The following NUBPL variants were observed in gnomAD, a reference collection of about 807,000 sequenced individuals.
The protein encoded by NUBPL is iron-sulfur cluster transfer protein NUBPL.
Under a neutral mutation model 45.7 loss-of-function variants are expected in NUBPL, and 31 were observed. The ratio of observed to expected loss-of-function variants is 0.68; its 90% CI spans 0.51 to 0.92. The LOEUF (loss-of-function observed/expected upper bound fraction) is 0.92, where lower values mean the gene tolerates loss of function less well. Ranked by LOEUF, NUBPL falls within the 40% of genes least tolerant of loss-of-function variation. The pLI, the probability that NUBPL is intolerant of heterozygous loss-of-function variation, is 0.00. For synonymous variants in NUBPL, 144 were observed against 140.9 expected (o/e 1.02, Z -0.15); for missense variants, 401 against 398.7 (o/e 1.01, Z -0.05).
At chr14:31,828,402 C>A (rs138983264) in intron 8 of NUBPL, among the ~76,000 whole-genome samples, 3 of 152,060 alleles carry the variant, frequency 2.0e-5, no homozygotes, top group Non-Finnish European at 4.4e-5. Flanking sequence ...TTCTTTCTGG[C>A]AGAAATTAGA....
At chr14:31,566,869 C>T (rs1414149590) in intron 3 of NUBPL, among the ~76,000 whole-genome samples, 1 of 152,126 alleles carries the variant, frequency 6.6e-6, no homozygotes, top group Non-Finnish European at 1.5e-5. Flanking sequence ...GGAATGTAGT[C>T]AGCTTCCAGA....
intron 3 of NUBPL, among the ~76,000 whole-genome samples, chr14:31,579,770 A>T (rs1428565077): frequency 6.6e-6 from 1 of 152,238 alleles, no homozygotes; most frequent in Non-Finnish European, 1.5e-5. Flanking sequence ...ATATTTTGGC[A>T]GTCCCTCCTG....
intron 4 of NUBPL, among the ~76,000 whole-genome samples, chr14:31,631,931 G>T (rs569539994): frequency 6.6e-6 from 1 of 152,156 alleles, no homozygotes; most frequent in Admixed American, 6.5e-5. Flanking sequence ...GTATACGGTG[G>T]CCCAAAGTGA....
intron 6 of NUBPL, among the ~76,000 whole-genome samples, chr14:31,725,709 CTTT>C (rs375160082): frequency 1.9e-5 from 2 of 104,956 alleles, no homozygotes; most frequent in African/African-American, 3.8e-5. Flanking sequence ...TAGATTTCAG[CTTT>C]TTTTTTTTTT....
intron 6 of NUBPL, among the ~76,000 whole-genome samples, chr14:31,677,146 G>A (rs2036719982): frequency 6.6e-6 from 1 of 152,032 alleles, no homozygotes; most frequent in Non-Finnish European, 1.5e-5. Flanking sequence ...TAAATGGGGT[G>A]TTCATCCCCT....
chr14:31,582,715 T>G (rs1388294605), intron 3 of NUBPL, among the ~76,000 whole-genome samples: 1 of 152,198 alleles, frequency 6.6e-6, no homozygotes, highest in Non-Finnish European at 1.5e-5. Flanking sequence ...CTTGTGAATA[T>G]CAATTCTTTT....
chr14:31,747,002 A>C (rs1421964139), intron 6 of NUBPL, among the ~76,000 whole-genome samples: 2 of 150,780 alleles, frequency 1.3e-5, no homozygotes, highest in East Asian at 3.9e-4. Context: ...CTTAGGAGGC[A>C]AAGATTGCAG....
chr14:31,852,942 G>T (rs2040560761), intron 10 of NUBPL, among the ~76,000 whole-genome samples: 1 of 152,142 alleles, frequency 6.6e-6, no homozygotes, highest in Admixed American at 6.5e-5. Flanking sequence ...TACCTATTCT[G>T]CCTGCATGTC....
In NUBPL at chr14:31,645,257, G is replaced by T. The variant is rs544572852; in HGVS notation, c.383-28098G>T. Reference sequence around the variant, plus strand: ...ATTTTTTGTATTTTTTAGTAGAGGCGGGGTTTCACTGTGTTAGCCAGGATG... The same window carrying T: ...ATTTTTTGTATTTTTTAGTAGAGGCTGGGTTTCACTGTGTTAGCCAGGATG... On this transcript the variant is annotated intron_variant, in intron 4 of 10. Coordinates refer to ENST00000281081, the MANE Select transcript of NUBPL (RefSeq NM_025152.3). Among the ~76,000 whole-genome samples the T allele has an allele frequency of 4.6e-5, 7 of 151,994 alleles. No homozygotes were observed. In the South Asian group the frequency reaches 1.0e-3, roughly 23 times the overall value.
chr14:31,742,238 A>G (rs1400260586), intron 6 of NUBPL, among the ~76,000 whole-genome samples: 2 of 6,182 alleles, frequency 3.2e-4, no homozygotes, highest in Non-Finnish European at 4.3e-4. Context: ...ACTATTGTGT[A>G]CACACACACA....
chr14:31,850,110 C>A lies in NUBPL; in HGVS notation c.815-9C>A. 2 of 1,609,036 alleles carry A rather than the reference C, an allele frequency of 1.2e-6. No homozygotes were observed. ...CTGGTTCTAATGGATGTCTGCTGGG[C>A]TCTTTTAGGAGACATTCCCTTACAC... On this transcript the variant is annotated splice_polypyrimidine_tract_variant and intron_variant, in intron 9 of 10. Transcript: ENST00000281081.
intron 6 of NUBPL, among the ~76,000 whole-genome samples, chr14:31,718,897 C>G (rs1157668048): frequency 6.6e-6 from 1 of 152,126 alleles, no homozygotes; most frequent in African/African-American, 2.4e-5. Flanking sequence ...GAATAAATCT[C>G]TTTTTTGCAT....
At chr14:31,734,657 G>A (rs1418808900) in intron 6 of NUBPL, among the ~76,000 whole-genome samples, 1 of 151,918 alleles carries the variant, frequency 6.6e-6, no homozygotes, top group Non-Finnish European at 1.5e-5. Flanking sequence ...GTGCTTTTTA[G>A]TTGAATTTTT....
intron 6 of NUBPL, among the ~76,000 whole-genome samples, chr14:31,706,929 C>A (rs761155488): frequency 6.6e-6 from 1 of 152,218 alleles, no homozygotes; most frequent in Non-Finnish European, 1.5e-5. Flanking sequence ...ATAGATGGCT[C>A]CTTCCTGATT....
At chr14:31,661,469 AGTT>A (rs1340710151) in intron 4 of NUBPL, among the ~76,000 whole-genome samples, 1 of 152,214 alleles carries the variant, frequency 6.6e-6, no homozygotes, top group Non-Finnish European at 1.5e-5. Context: ...TGTAATCATG[AGTT>A]GTTGTGTAGA....
At chr14:31,836,589 G>A (rs922961750) in intron 8 of NUBPL, among the ~76,000 whole-genome samples, 2 of 152,058 alleles carry the variant, frequency 1.3e-5, no homozygotes, top group Non-Finnish European at 2.9e-5. Flanking sequence ...ACTGTAATAT[G>A]GATATTCTAA....
chr14:31,795,334 T>G (rs2039463472), intron 7 of NUBPL, among the ~76,000 whole-genome samples: 1 of 119,536 alleles, frequency 8.4e-6, no homozygotes, highest in Non-Finnish European at 1.7e-5. Flanking sequence ...GTATGGCCAT[T>G]TTCACGATAT....
intron 4 of NUBPL, among the ~76,000 whole-genome samples, chr14:31,639,467 T>C (rs11156695): frequency 0.29 from 44,501 of 151,986 alleles, 7,470 homozygotes; most frequent in South Asian, 0.41. Flanking sequence ...AGTACCCGGC[T>C]GTGTGAGGTG....
intron 6 of NUBPL, among the ~76,000 whole-genome samples, chr14:31,730,344 C>G (rs1179647166): frequency 6.6e-6 from 1 of 152,080 alleles, no homozygotes; most frequent in African/African-American, 2.4e-5. Flanking sequence ...GAATTCTGCA[C>G]TGTAGTTTGC....
Sources: gnomAD v4.1 joint callset for allele counts (sites outside exome capture counted in the v4.1 genomes callset) on GRCh38, gnomAD v4.1.1 for gene constraint, MANE v1.5 for transcripts, NCBI Gene and HGNC (gene_info 2026-07-23, HGNC 2026-07-21) for gene names.